The following LARP1B variants were observed in gnomAD, a reference collection of about 807,000 sequenced individuals.
LARP1B encodes the protein la-related protein 1B.
In LARP1B, 76 loss-of-function variants were observed where a neutral mutation model predicts 114.2. The observed-to-expected ratio is 0.67, with a 90% CI of 0.55 to 0.81. The LOEUF is 0.81. Ranked by LOEUF, LARP1B falls within the 30% of genes least tolerant of loss-of-function variation. The pLI, the probability that LARP1B is intolerant of heterozygous loss-of-function variation, is 0.00. For synonymous variants in LARP1B, 345 were observed against 348.0 expected (o/e 0.99, Z 0.10); for missense variants, 1,014 against 1,075.8 (o/e 0.94, Z 0.80).
chr4:128,118,232 ATTT>A (rs771418969), intron 10 of LARP1B, among the ~76,000 whole-genome samples: 3 of 93,502 alleles, frequency 3.2e-5, no homozygotes, highest in Non-Finnish European at 4.7e-5. Context: ...AGTCAGGTCT[ATTT>A]TTTTTTTTTT....
At chr4:128,185,037 C>CAT (rs200692997) in intron 15 of LARP1B, among the ~76,000 whole-genome samples, 1,756 of 152,148 alleles carry the variant, frequency 0.012, 34 homozygotes, top group African/African-American at 0.039. Context: ...TGTACATACA[C>CAT]ATATATATAC....
chr4:128,145,457 A>C (rs79649426), intron 11 of LARP1B, among the ~76,000 whole-genome samples: 2,667 of 152,274 alleles, frequency 0.018, 64 homozygotes, highest in East Asian at 0.1. Flanking sequence ...ACCACATAGC[A>C]GTCACTTTGG....
At chr4:128,105,868 G>A (rs1442965041) in intron 8 of LARP1B, among the ~76,000 whole-genome samples, 2 of 152,194 alleles carry the variant, frequency 1.3e-5, no homozygotes, top group East Asian at 3.9e-4. Context: ...TGTAGCCTGG[G>A]TGACAGAGTG....
intron 12 of LARP1B, among the ~76,000 whole-genome samples, chr4:128,172,733 AC>A (rs1206479766): frequency 5.3e-5 from 8 of 151,844 alleles, no homozygotes; most frequent in African/African-American, 1.5e-4. Context: ...TTTTCTTGTT[AC>A]TTTTTTCTCT....
chr4:128,183,545 G>A lies in LARP1B; in HGVS notation c.2003+4033G>A, dbSNP rs146355864. On this transcript the variant is annotated intron_variant, in intron 15 of 19. Transcript: ENST00000326639. Reference sequence around the variant, plus strand: ...ATATTACTGCTCATTGACAGTGTACGTCATCACCCAAGAATGCTGATGAAT... The same window carrying A: ...ATATTACTGCTCATTGACAGTGTACATCATCACCCAAGAATGCTGATGAAT... 1.2e-3 allele frequency among the ~76,000 whole-genome samples: 176 copies of A among 152,280 alleles called. 1 individual carries two copies. Among genetic ancestry groups the A allele is most frequent in the African/African-American group, 3.8e-3 (158 of 41,554 alleles).
At chr4:128,131,800 A>T (rs1410549724) in intron 11 of LARP1B, among the ~76,000 whole-genome samples, 1 of 152,246 alleles carries the variant, frequency 6.6e-6, no homozygotes, top group Non-Finnish European at 1.5e-5. Context: ...GCCAATAAGC[A>T]CTTGAAAAGT....
At chr4:128,182,623 C>G (rs893899940) in intron 15 of LARP1B, among the ~76,000 whole-genome samples, 1 of 152,198 alleles carries the variant, frequency 6.6e-6, no homozygotes, top group South Asian at 2.1e-4. Flanking sequence ...TGAAATTAGA[C>G]CAACTAATAA....
At chr4:128,137,228 CA>C (rs1350862891) in intron 11 of LARP1B, among the ~76,000 whole-genome samples, 1 of 148,850 alleles carries the variant, frequency 6.7e-6, no homozygotes, top group East Asian at 2.0e-4. Context: ...GAGTCCATCT[CA>C]AAAAAAAACA....
At chr4:128,136,128 T>C (rs1325042599) in intron 11 of LARP1B, among the ~76,000 whole-genome samples, 1 of 151,346 alleles carries the variant, frequency 6.6e-6, no homozygotes, top group African/African-American at 2.4e-5. Flanking sequence ...CCCCATCTCT[T>C]CTAAAAATAC....
rs548540371 is a variant in LARP1B at position 128,096,381 on chromosome 4, A to G, written c.669-1805A>G. ...CATGTATTTCTCAAAGGCTATTATT[A>G]AATGTATTGTGAATATTATCTTTAT... On this transcript the variant is annotated intron_variant, in intron 7 of 19. Transcript: ENST00000326639. Among the ~76,000 whole-genome samples, 228 of 152,324 alleles carry G rather than the reference A, an allele frequency of 1.5e-3. 1 individual carries two copies. Among genetic ancestry groups the G allele is most frequent in the Middle Eastern group, 3.4e-3 (1 of 294 alleles).
chr4:128,134,182 T>G (rs113578991), intron 11 of LARP1B, among the ~76,000 whole-genome samples: 133 of 152,036 alleles, frequency 8.7e-4, no homozygotes, highest in East Asian at 2.5e-3. Flanking sequence ...TGAATTTTTT[T>G]TGTGTGTGTG....
At chr4:128,148,969 A>G (rs1731501602) in intron 11 of LARP1B, among the ~76,000 whole-genome samples, 1 of 152,130 alleles carries the variant, frequency 6.6e-6, no homozygotes, top group Non-Finnish European at 1.5e-5. Context: ...TTTAGTTGTT[A>G]TTTCCCTATG....
In LARP1B at chr4:128,209,855, G is replaced by A; in HGVS notation, c.2548-1G>A. ...ACGGTGTTGCCTTTCATCATTTGCA[G>A]CCCCCTATTAGTGATGAATTTGGAA... On this transcript the variant is annotated splice_acceptor_variant, in intron 19 of 19. Coordinates refer to ENST00000326639, the MANE Select transcript of LARP1B (RefSeq NM_018078.4). LOFTEE classifies it high-confidence loss of function. 1 of 1,612,062 alleles carries A rather than the reference G, an allele frequency of 6.2e-7. No individual in the cohort carries two copies. The highest frequency in any genetic ancestry group is 8.5e-7 in the Non-Finnish European group (1 of 1,178,590).
chr4:128,076,127 C>T (rs1475347957), intron 3 of LARP1B, among the ~76,000 whole-genome samples: 1 of 152,112 alleles, frequency 6.6e-6, no homozygotes, highest in Non-Finnish European at 1.5e-5. Context: ...GATTCTCCTG[C>T]CTCAGCCTCC....
chr4:128,136,292 TA>T (rs1725229633), intron 11 of LARP1B, among the ~76,000 whole-genome samples: 2 of 140,468 alleles, frequency 1.4e-5, no homozygotes, highest in Admixed American at 1.5e-4. Context: ...GACTCCATCT[TA>T]AAAAACAAAT....
At chr4:128,084,048 C>T (rs1772177227) in intron 5 of LARP1B, among the ~76,000 whole-genome samples, 1 of 152,140 alleles carries the variant, frequency 6.6e-6, no homozygotes, top group South Asian at 2.1e-4. Flanking sequence ...AGAGACGCTC[C>T]TCACTTCCCA....
rs1770689284 is a variant in LARP1B at position 128,082,017 on chromosome 4, T to G, written c.218-148T>G. The G allele has an allele frequency of 5.3e-6, 4 of 761,574 alleles. No homozygotes were observed. The Admixed American group carries it at 1.1e-4, about 21-fold the overall frequency. The allele number at this position is 761,574 out of a possible 1,614,324, so 47.2% of individuals were successfully genotyped here. On this transcript the variant is annotated intron_variant, in intron 4 of 19. Transcript: ENST00000326639. ...TCCCAAAGTGCTGGGATTACAGGCA[T>G]GAGCCACCGTGTCTGGCCTCTTTAC... is the stretch of plus-strand genomic sequence containing the variant.
At chr4:128,077,440 G>T (rs1768400382) in intron 3 of LARP1B, among the ~76,000 whole-genome samples, 1 of 151,998 alleles carries the variant, frequency 6.6e-6, no homozygotes, top group Admixed American at 6.6e-5. Flanking sequence ...GGTGGAGGCT[G>T]CAGTGAGCCG....
intron 5 of LARP1B, among the ~76,000 whole-genome samples, chr4:128,083,188 CAA>C (rs1205260910): frequency 3.3e-5 from 5 of 152,202 alleles, no homozygotes; most frequent in African/African-American, 1.2e-4. Flanking sequence ...TAGTACAGAA[CAA>C]AATGAAAAGT....
Sources: gnomAD v4.1 joint callset for allele counts (sites outside exome capture counted in the v4.1 genomes callset) on GRCh38, gnomAD v4.1.1 for gene constraint, MANE v1.5 for transcripts, NCBI Gene and HGNC (gene_info 2026-07-23, HGNC 2026-07-21) for gene names.